Variants in FBXL18 observed in about 807,000 individuals in gnomAD.
FBXL18 encodes the protein F-box and leucine rich repeat protein 18, also known as F-box/LRR-repeat protein 18.
A neutral mutation model predicts 46.0 loss-of-function variants in FBXL18; 36 were observed. That is an observed-to-expected ratio of 0.78 (90% confidence interval 0.60 to 1.03). The LOEUF (loss-of-function observed/expected upper bound fraction) is 1.03. FBXL18 is among the 50% of genes least tolerant of loss of function. The pLI, the probability that FBXL18 is intolerant of heterozygous loss-of-function variation, is 0.00. For synonymous variants in FBXL18, 557 were observed against 465.3 expected, an observed-to-expected ratio of 1.20 and a Z score of -2.54; for missense variants, 977 against 1,004.1, an observed-to-expected ratio of 0.97 and a Z score of 0.36.
chr7:5,455,228 T>C lies in FBXL18; in HGVS notation c.2001-7385A>G, dbSNP rs1584174660. On this transcript the variant is annotated intron_variant and NMD_transcript_variant, in intron 4 of 6. Coordinates refer to the FBXL18 transcript ENST00000415009. This position sits in a 1 kb window ranked among gnomAD's most constrained non-coding sequence, Gnocchi z 4.6. Reference sequence around the variant, plus strand: ...CCAAGGAGTACTCTTTGGGAGCATATCTGGGGAGCACTCTTGGGGGGGAAC... The same window carrying C: ...CCAAGGAGTACTCTTTGGGAGCATACCTGGGGAGCACTCTTGGGGGGGAAC... Among the ~76,000 whole-genome samples the C allele has an allele frequency of 2.6e-5, 4 of 151,884 alleles. No individual in the cohort carries two copies. The highest frequency in any genetic ancestry group is 2.6e-4 in the Admixed American group (4 of 15,234).
downstream of FBXL18, among the ~76,000 whole-genome samples, chr7:5,473,836 G>A (rs1783465222): frequency 6.6e-6 from 1 of 151,254 alleles, no homozygotes; most frequent in South Asian, 2.1e-4. Context: ...CTGTTGCCCA[G>A]GCTGCTGGAG....
At chr7:5,497,730 A>G (rs894440852) in intron 3 of FBXL18, among the ~76,000 whole-genome samples, 4 of 152,192 alleles carry the variant, frequency 2.6e-5, no homozygotes, top group Non-Finnish European at 5.9e-5. Flanking sequence ...GGTGTTTGCG[A>G]GAGACTCAGC....
intron 1 of FBXL18, among the ~76,000 whole-genome samples, chr7:5,506,543 C>A (rs1784400079): frequency 1.3e-5 from 2 of 148,946 alleles, no homozygotes; most frequent in African/African-American, 5.0e-5. Context: ...GTGTGAGCCA[C>A]CATGCCCGGC....
At chr7:5,502,962 T>C (rs1025745376) in intron 2 of FBXL18, among the ~76,000 whole-genome samples, 3 of 152,090 alleles carry the variant, frequency 2.0e-5, no homozygotes, top group Admixed American at 2.0e-4. Context: ...GCCTCCCTAC[T>C]CTGTGCCTGT....
chr7:5,468,920 A>G (rs919278125), intron 4 of FBXL18, among the ~76,000 whole-genome samples: 1 of 152,134 alleles, frequency 6.6e-6, no homozygotes, highest in Non-Finnish European at 1.5e-5. Flanking sequence ...CCTCTAATCA[A>G]ACTGGCTGTG....
chr7:5,489,828 C>T lies in FBXL18; in HGVS notation c.2000+1403G>A, dbSNP rs1783870505. On this transcript the variant is annotated intron_variant, in intron 4 of 4. Transcript: ENST00000382368. ...AAAATTAGCCAGGTATAGTGGTGCACACTTGTAATCCCAGCTGCTCAGGAG... is the reference window on the plus strand; with the variant it reads ...AAAATTAGCCAGGTATAGTGGTGCATACTTGTAATCCCAGCTGCTCAGGAG... 1.3e-5 allele frequency: 5 copies of T among 377,570 alleles called. No individual in the cohort carries two copies. The Admixed American group carries it at 1.5e-4, about 12-fold the overall frequency. The allele number at this position is 377,570 out of a possible 1,614,324, so 23.4% of individuals were successfully genotyped here.
Position 5,491,656 on chromosome 7 carries a change from G to A in FBXL18, c.1782-207C>T, listed in dbSNP as rs141310781. On this transcript the variant is annotated intron_variant, in intron 3 of 4. Coordinates refer to ENST00000382368, the MANE Select transcript of FBXL18 (RefSeq NM_024963.6). Reference sequence around the variant, plus strand: ...TCCCCCTTGGAGATCTGATTTGGAGGCGACCCGGTGGGCCTGATGCAAGCA... The same window carrying A: ...TCCCCCTTGGAGATCTGATTTGGAGACGACCCGGTGGGCCTGATGCAAGCA... 9.9e-3 allele frequency among the ~76,000 whole-genome samples: 1,512 copies of A among 152,288 alleles called. 15 individuals carry two copies. Among genetic ancestry groups the A allele is most frequent in the Middle Eastern group, 0.034 (10 of 294 alleles).
Position 5,513,789 on chromosome 7 carries a change from G to T in FBXL18, c.-115C>A. 1 of 1,427,772 alleles carries T rather than the reference G, an allele frequency of 7.0e-7. No individual in the cohort carries two copies. Among genetic ancestry groups the T allele is most frequent in the Non-Finnish European group, 9.4e-7 (1 of 1,059,342 alleles). The allele number at this position is 1,427,772 out of a possible 1,614,324, so 88.4% of individuals were successfully genotyped here. On this transcript the variant is annotated 5_prime_UTR_variant, in exon 1 of 5. Transcript: ENST00000382368. ...ACCGCTCAACCGAGACCCCGGCAAGGAGCGGGCTCTCGTCACTTCCGGCGC... is the reference window on the plus strand; with the variant it reads ...ACCGCTCAACCGAGACCCCGGCAAGTAGCGGGCTCTCGTCACTTCCGGCGC...
intron 1 of FBXL18, among the ~76,000 whole-genome samples, chr7:5,507,462 T>C (rs1784421107): frequency 6.6e-6 from 1 of 152,100 alleles, no homozygotes; most frequent in Admixed American, 6.6e-5. Context: ...CCAAAGGACA[T>C]GGCCCGTAAG....
At chr7:5,474,766 G>A (rs1783482730), downstream of FBXL18, among the ~76,000 whole-genome samples, 1 of 150,632 alleles carries the variant, frequency 6.6e-6, no homozygotes, top group African/African-American at 2.4e-5. Flanking sequence ...GGAGTGCAGT[G>A]GCGCGATCTC....
intron 1 of FBXL18, among the ~76,000 whole-genome samples, chr7:5,506,682 G>A (rs1273402787): frequency 2.0e-5 from 3 of 151,888 alleles, no homozygotes; most frequent in Non-Finnish European, 4.4e-5. Context: ...TCAGCCTCCT[G>A]AGTACCTGGG....
At chr7:5,466,460 C>T (rs532618859) in intron 4 of FBXL18, among the ~76,000 whole-genome samples, 9 of 152,158 alleles carry the variant, frequency 5.9e-5, no homozygotes. Context: ...TGCGGCCTCT[C>T]CAGCACACAG....
chr7:5,513,793 G>A lies in FBXL18; in HGVS notation c.-119C>T. The A allele has an allele frequency of 7.1e-7, 1 of 1,411,608 alleles. No homozygotes were observed. The highest frequency in any genetic ancestry group is 9.6e-7 in the Non-Finnish European group (1 of 1,047,084). The allele number at this position is 1,411,608 out of a possible 1,614,324, so 87.4% of individuals were successfully genotyped here. A position where few individuals can be genotyped will look rare whatever the true frequency, so the allele number is the denominator to read the frequency against. On this transcript the variant is annotated 5_prime_UTR_variant, in exon 1 of 5. Coordinates refer to ENST00000382368, the MANE Select transcript of FBXL18 (RefSeq NM_024963.6). Reference sequence around the variant, plus strand: ...CTCAACCGAGACCCCGGCAAGGAGCGGGCTCTCGTCACTTCCGGCGCCCGC... The same window carrying A: ...CTCAACCGAGACCCCGGCAAGGAGCAGGCTCTCGTCACTTCCGGCGCCCGC...
intron 1 of FBXL18, 29 bp downstream of exon 1, chr7:5,513,628 A>G: frequency 1.9e-6 from 3 of 1,612,140 alleles, no homozygotes; most frequent in Admixed American, 3.3e-5. Flanking sequence ...CCGAGGCAGA[A>G]GCAGAGCGGA....
intron 1 of FBXL18, among the ~76,000 whole-genome samples, chr7:5,512,748 G>T (rs1784572380): frequency 6.6e-6 from 1 of 152,176 alleles, no homozygotes; most frequent in African/African-American, 2.4e-5. Context: ...TCAATCTGCA[G>T]TTGAGCCACA....
intron 4 of FBXL18, among the ~76,000 whole-genome samples, chr7:5,486,058 C>CAAAAA (rs1230116681): frequency 3.8e-5 from 4 of 105,858 alleles, no homozygotes; most frequent in African/African-American, 1.9e-4. Context: ...GACTCTGTCT[C>CAAAAA]AAAAAAATAA....
rs1195923916 is a variant in FBXL18, at chr7:5,501,440, C to T, written c.829G>A (p.Gly277Ser). ...GAGTCCAGGAGGTTCTTGGTGGCGC[C>T]GCTCTCCGCGAAGCTGCCAGGGACG... Reference protein sequence around the residue: ...ISVPGSFAESGATKNLLDSMA... With the variant: ...ISVPGSFAESSATKNLLDSMA... The change falls in exon 3 of 5, where the codon GGC becomes AGC. Residue 277 changes from glycine (G) to serine (S), a missense_variant. Gly to Ser is a moderately conservative substitution (Grantham distance 56). Coordinates refer to ENST00000382368, the MANE Select transcript of FBXL18 (RefSeq NM_024963.6). 4.3e-6 allele frequency: 7 copies of T among 1,613,310 alleles called. No individual in the cohort carries two copies. Among genetic ancestry groups the T allele is most frequent in the Non-Finnish European group, 5.1e-6 (6 of 1,179,980 alleles).
intron 1 of FBXL18, 131 bp downstream of exon 1, chr7:5,513,525 AG>A: frequency 9.8e-7 from 1 of 1,017,850 alleles, no homozygotes; most frequent in South Asian, 1.4e-5. Context: ...GGCCAGGGTC[AG>A]GATGGGAAGG....
intron 2 of FBXL18, among the ~76,000 whole-genome samples, chr7:5,503,119 T>C (rs749478054): frequency 2.0e-5 from 3 of 152,262 alleles, no homozygotes; most frequent in Non-Finnish European, 2.9e-5. Flanking sequence ...CTTCAGCGCA[T>C]GCCTGTAATC....
Sources: allele counts gnomAD v4.1 joint callset (sites outside exome capture counted in the v4.1 genomes callset), GRCh38; gene constraint gnomAD v4.1.1; non-coding constraint Gnocchi (gnomAD v3.1); transcripts MANE v1.5; gene names NCBI Gene and HGNC (gene_info 2026-07-23, HGNC 2026-07-21).